Variants in CARMIL3 observed in about 807,000 individuals in gnomAD.
CARMIL3 encodes the protein capping protein, Arp2/3 and myosin-I linker protein 3.
Under a neutral mutation model 180.8 loss-of-function variants are expected in CARMIL3, and 88 were observed. The ratio of observed to expected loss-of-function variants is 0.49; its 90% CI spans 0.41 to 0.58. The LOEUF (loss-of-function observed/expected upper bound fraction) is 0.58, where lower values mean the gene tolerates loss of function less well. CARMIL3 is among the 20% of genes least tolerant of loss of function. CARMIL3 has a pLI of 0.00. For synonymous variants in CARMIL3, 696 were observed against 714.5 expected, an observed-to-expected ratio of 0.97 and a Z score of 0.41; for missense variants, 1,548 against 1,787.0, an observed-to-expected ratio of 0.87 and a Z score of 2.41.
Position 24,057,240 on chromosome 14 carries a change from AC to A in CARMIL3, c.1137del (p.Leu380CysfsTer46), listed in dbSNP as rs751248027. On this transcript the variant is annotated frameshift_variant, in exon 14 of 40. Coordinates refer to ENST00000342740, the MANE Select transcript of CARMIL3 (RefSeq NM_138360.4). LOFTEE classifies it high-confidence loss of function. ...LDLSGTDCVI[D>X]LLLGALLHGC... ...CTGTCAGGAACTGACTGCGTCATCGACTTGGTGAGGAGTTGGTGATGGGAAG... is the reference window on the plus strand; with the variant it reads ...CTGTCAGGAACTGACTGCGTCATCGATTGGTGAGGAGTTGGTGATGGGAAG... 6.2e-7 allele frequency: 1 copy of A among 1,613,540 alleles called. No homozygotes were observed. Among genetic ancestry groups the A allele is most frequent in the African/African-American group, 1.3e-5 (1 of 74,862 alleles).
At position 24,068,875 on chromosome 14, in the gene CARMIL3, G is replaced by A. The variant is rs758862501; in HGVS notation, c.3891G>A (p.Glu1297=). ...RQPPQEPGVR[E]EAEAGDAAPG... ...CTCCCCAGGAGCCAGGGGTCAGGGA[G>A]GAGGCTGAGGCTGGAGATGCAGCTC... The change falls in exon 38 of 40, where the codon GAG becomes GAA. Residue 1297 remains glutamate (E), a synonymous_variant. Coordinates refer to ENST00000342740, the MANE Select transcript of CARMIL3 (RefSeq NM_138360.4). 1.1e-5 allele frequency: 17 copies of A among 1,611,496 alleles called. No individual in the cohort carries two copies. The Admixed American group carries it at 2.2e-4, about 21-fold the overall frequency.
In CARMIL3 at chr14:24,058,631, C is replaced by A; in HGVS notation, c.1393-49C>A. The A allele has an allele frequency of 6.5e-7, 1 of 1,538,524 alleles. No homozygotes were observed. The highest frequency in any genetic ancestry group is 1.1e-5 in the South Asian group (1 of 88,310). ...CTATATCCTAAGCATTAAAGGTGCC[C>A]TACCCCCACCCCAACCCCTGCCTTC... On this transcript the variant is annotated intron_variant, in intron 17 of 39. Coordinates refer to ENST00000342740, the MANE Select transcript of CARMIL3 (RefSeq NM_138360.4). This position sits in a 1 kb window ranked among gnomAD's most constrained non-coding sequence, Gnocchi z 6.4.
intron 32 of CARMIL3, among the ~76,000 whole-genome samples, chr14:24,064,575 G>C (rs1197015703): frequency 6.6e-6 from 1 of 152,208 alleles, no homozygotes; most frequent in Non-Finnish European, 1.5e-5. Context: ...CCACCACAGT[G>C]GGGTTGGAGA....
Position 24,058,713 on chromosome 14 carries a change from C to G in CARMIL3, c.1426C>G (p.Gln476Glu), listed in dbSNP as rs750331092. 9 of 1,614,190 alleles carry G rather than the reference C, an allele frequency of 5.6e-6. No individual in the cohort carries two copies. In the Admixed American group the frequency reaches 1.3e-4, roughly 24 times the overall value. ...AGCGGGAGCCCAAGCCTTGCAGGAG[C>G]AGCTGGGAGCTGTCACCTGTGTAGG... ...RSAGAQALQE[Q>E]LGAVTCVGSL... is the part of the protein sequence containing the mutation. Residue 476 changes from glutamine (Q) to glutamate (E), a missense_variant, in exon 18 of 40, where the codon CAG becomes GAG. Physicochemically the swap from Gln to Glu is conservative, Grantham distance 29 (BLOSUM62 2). This residue lies in a region of CARMIL3 where 578 missense variants were observed against 666.5 expected (regional missense o/e 0.87). Coordinates refer to ENST00000342740, the MANE Select transcript of CARMIL3 (RefSeq NM_138360.4). The surrounding 1 kb of genome is among the most constrained non-coding windows in gnomAD (Gnocchi z 6.4).
At chr14:24,052,586 T>G (rs1280203944) in intron 1 of CARMIL3, among the ~76,000 whole-genome samples, 1 of 152,114 alleles carries the variant, frequency 6.6e-6, no homozygotes, top group African/African-American at 2.4e-5. Flanking sequence ...CTGCCCCTGG[T>G]CCTGACCGCT....
rs201880492 is a variant in CARMIL3 at position 24,054,409 on chromosome 14, C to T, written c.260C>T (p.Thr87Met). 8 of 1,613,988 alleles carry T rather than the reference C, an allele frequency of 5.0e-6. No homozygotes were observed. The highest frequency in any genetic ancestry group is 1.3e-5 in the African/African-American group (1 of 74,912). Residue 87 changes from threonine (T) to methionine (M), a missense_variant, in exon 5 of 40, where the codon ACG becomes ATG. Thr to Met is a moderately conservative substitution (Grantham distance 81, BLOSUM62 -1). This residue lies in a region of CARMIL3 where 578 missense variants were observed against 666.5 expected (regional missense o/e 0.87). Transcript: ENST00000342740. This position sits in a 1 kb window ranked among gnomAD's most constrained non-coding sequence, Gnocchi z 5.1. ...CGTCTCCCCCAGATCCTGGTGGAGA[C>T]GGAGCGTGGCATGGTGAGCATGCGA... ...TLSQNQILVETERGMVSMRLP... is the reference protein window; with the variant it reads ...TLSQNQILVEMERGMVSMRLP...
At position 24,069,207 on chromosome 14, in the gene CARMIL3, C is replaced by T. The variant is rs760059975; in HGVS notation, c.4053C>T (p.Asp1351=). 1.2e-6 allele frequency: 2 copies of T among 1,613,922 alleles called. No individual in the cohort carries two copies. The highest frequency in any genetic ancestry group is 1.7e-6 in the Non-Finnish European group (2 of 1,180,010). ...GGACACGGCGGGCACAGTCCTGTGA[C>T]AAGCTGGAACCTGATAGAAGACGGC... ...PKRTRRAQSC[D]KLEPDRRRPP... Residue 1351 remains aspartate (D), a synonymous_variant, in exon 39 of 40, where the codon GAC becomes GAT. Transcript: ENST00000342740.
chr14:24,059,288 G>A lies in CARMIL3; in HGVS notation c.1645G>A (p.Val549Met). Reference protein sequence around the residue: ...EEDCSLQSLSVADSRLKLRTS... With the variant: ...EEDCSLQSLSMADSRLKLRTS... The stretch of plus-strand genomic sequence containing the variant: ...CACACAGTCCCTGCAGTCACTGTCG[G>A]TGGCAGACTCCCGGCTGAAGCTTCG... Residue 549 changes from valine (V) to methionine (M), a missense_variant, in exon 21 of 40, where the codon GTG becomes ATG. By Grantham distance (21) the Val-to-Met change is conservative. Around this residue, in one of 4 missense-constraint regions of CARMIL3, gnomAD observed 297 missense variants for 415.9 expected, o/e 0.71. Transcript: ENST00000342740. The surrounding 1 kb of genome is among the most constrained non-coding windows in gnomAD (Gnocchi z 6.3). 6.2e-7 allele frequency: 1 copy of A among 1,613,992 alleles called. No individual in the cohort carries two copies. Among genetic ancestry groups the A allele is most frequent in the East Asian group, 2.2e-5 (1 of 44,884 alleles).
Position 24,053,983 on chromosome 14 carries a change from G to A in CARMIL3, c.136-105G>A, listed in dbSNP as rs12431777. On this transcript the variant is annotated intron_variant, in intron 2 of 39. Transcript: ENST00000342740. ...GTCCAGAAGTCTAGGGTAGGGCATC[G>A]GGTTGGGGAGACACTCCAAGAGCAG... 3,510 of 1,346,924 alleles carry A rather than the reference G, an allele frequency of 2.6e-3. 136 individuals are homozygous for A. The Admixed American group carries it at 0.063, about 24-fold the overall frequency. The allele number at this position is 1,346,924 out of a possible 1,614,324, so 83.4% of individuals were successfully genotyped here.
In CARMIL3 at chr14:24,054,888, G is replaced by T; in HGVS notation, c.460+80G>T. ...CAGAGCCCTTTGTGCACAGGGTGTTGCCTGGGCGGGCGGGCTTTGCCTGCC... is the reference window on the plus strand; with the variant it reads ...CAGAGCCCTTTGTGCACAGGGTGTTTCCTGGGCGGGCGGGCTTTGCCTGCC... On this transcript the variant is annotated intron_variant, in intron 6 of 39. Coordinates refer to ENST00000342740, the MANE Select transcript of CARMIL3 (RefSeq NM_138360.4). This position sits in a 1 kb window ranked among gnomAD's most constrained non-coding sequence, Gnocchi z 5.1. The T allele has an allele frequency of 6.8e-7, 1 of 1,474,586 alleles. No individual in the cohort carries two copies. Among genetic ancestry groups the T allele is most frequent in the African/African-American group, 1.4e-5 (1 of 71,600 alleles). 91.3% of individuals were successfully genotyped at this position (1,474,586 alleles called of 1,614,324 possible). A position where few individuals can be genotyped will look rare whatever the true frequency, so the allele number is the denominator to read the frequency against.
chr14:24,056,205 C>A, intron 10 of CARMIL3, 94 bp from the exon 11 acceptor site: 1 of 1,047,214 alleles, frequency 9.5e-7, no homozygotes, highest in Non-Finnish European at 1.4e-6. Flanking sequence ...ACCATGCAGC[C>A]CCAGCCAGGC....
rs758355583 is a variant in CARMIL3 at position 24,055,269 on chromosome 14, C to T, written c.564C>T (p.Asn188=). The T allele has an allele frequency of 6.2e-7, 1 of 1,614,052 alleles. No homozygotes were observed. The highest frequency in any genetic ancestry group is 8.5e-7 in the Non-Finnish European group (1 of 1,180,042). Reference sequence around the variant, plus strand: ...ACACCATCTACCATGCTGAAGATAACCGGGAGTTCAATCTTTTGGATTTCA... The same window carrying T: ...ACACCATCTACCATGCTGAAGATAATCGGGAGTTCAATCTTTTGGATTTCA... ...DVDTIYHAED[N]REFNLLDFSH... is the part of the protein sequence containing the mutation. Residue 188 remains asparagine (N), a synonymous_variant, in exon 8 of 40, where the codon AAC becomes AAT. Coordinates refer to ENST00000342740, the MANE Select transcript of CARMIL3 (RefSeq NM_138360.4).
chr14:24,069,194 C>T lies in CARMIL3; in HGVS notation c.4040C>T (p.Ala1347Val). 1 of 1,613,986 alleles carries T rather than the reference C, an allele frequency of 6.2e-7. No individual in the cohort carries two copies. The highest frequency in any genetic ancestry group is 1.7e-4 in the Middle Eastern group (1 of 6,050). Residue 1347 changes from alanine (A) to valine (V), a missense_variant, in exon 39 of 40, where the codon GCA becomes GTA. Ala to Val is a moderately conservative substitution (Grantham distance 64). This residue lies in a region of CARMIL3 where 668 missense variants were observed against 687.8 expected (regional missense o/e 0.97). Transcript: ENST00000342740. ...CTGAAGCCCAAGAGGACACGGCGGG[C>T]ACAGTCCTGTGACAAGCTGGAACCT... ...APLKPKRTRR[A>V]QSCDKLEPDR...
chr14:24,060,966 A>G lies in CARMIL3; in HGVS notation c.2230A>G (p.Asn744Asp). Reference protein sequence around the residue: ...SLYELGHVLANDGPVRQRLES... With the variant: ...SLYELGHVLADDGPVRQRLES... ...CTATGAGCTGGGCCACGTGCTGGCC[A>G]ATGATGGGCCTGTGCGGCAGAGGCT... The change falls in exon 26 of 40, where the codon AAT becomes GAT. Residue 744 changes from asparagine to aspartate, a missense_variant. Physicochemically the swap from Asn to Asp is conservative, Grantham distance 23. Around this residue, in one of 4 missense-constraint regions of CARMIL3, gnomAD observed 297 missense variants for 415.9 expected, o/e 0.71. Transcript: ENST00000342740. 1 of 1,551,688 alleles carries G rather than the reference A, an allele frequency of 6.4e-7. No individual in the cohort carries two copies. Among genetic ancestry groups the G allele is most frequent in the Non-Finnish European group, 8.7e-7 (1 of 1,146,970 alleles).
At chr14:24,065,394 T>G in intron 33 of CARMIL3, 121 bp downstream of exon 33, 1 of 1,105,580 alleles carries the variant, frequency 9.0e-7, no homozygotes, top group Non-Finnish European at 1.3e-6. Flanking sequence ...GGAACATTGG[T>G]CATTTCAATT....
In CARMIL3 at chr14:24,064,059, A is replaced by C. The variant is rs998260016; in HGVS notation, c.2980-187A>C. 2.0e-5 allele frequency among the ~76,000 whole-genome samples: 3 copies of C among 147,588 alleles called. No individual in the cohort carries two copies. In the Admixed American group the frequency reaches 2.1e-4, roughly 10 times the overall value. On this transcript the variant is annotated intron_variant, in intron 31 of 39. Coordinates refer to ENST00000342740, the MANE Select transcript of CARMIL3 (RefSeq NM_138360.4). ...CAGTGAGCCAAAATCATGCCACTGC[A>C]CTCCAGCCTGGGTGACAGAGCAAGA...
In CARMIL3 at chr14:24,055,681, A is replaced by AG. The variant is rs34680335; in HGVS notation, c.682-19dup. The AG allele has an allele frequency of 6.2e-7, 1 of 1,613,920 alleles. No homozygotes were observed. The highest frequency in any genetic ancestry group is 2.2e-5 in the East Asian group (1 of 44,868). On this transcript the variant is annotated intron_variant, in intron 9 of 39. Coordinates refer to ENST00000342740, the MANE Select transcript of CARMIL3 (RefSeq NM_138360.4). ...GTGCCCCCCTTGGCCCCTGATCACA[A>AG]GACCCCCCTCTGTCCTCAGGGCTCT... is the stretch of plus-strand genomic sequence containing the variant.
At position 24,068,967 on chromosome 14, in the gene CARMIL3, G is replaced by T. The variant is rs758921274; in HGVS notation, c.3982+1G>T. Reference sequence around the variant, plus strand: ...GACCAAGAGGAGCCCGAAGTCCAAGGTCTGCCACCCTGGCTGAGTGGGGGG... The same window carrying T: ...GACCAAGAGGAGCCCGAAGTCCAAGTTCTGCCACCCTGGCTGAGTGGGGGG... On this transcript the variant is annotated splice_donor_variant, in intron 38 of 39. Transcript: ENST00000342740. LOFTEE classifies it high-confidence loss of function. 3.9e-6 allele frequency: 6 copies of T among 1,552,512 alleles called. No homozygotes were observed. The highest frequency in any genetic ancestry group is 5.2e-6 in the Non-Finnish European group (6 of 1,146,704).
intron 14 of CARMIL3, 96 bp downstream of exon 14, chr14:24,057,340 C>T: frequency 8.8e-7 from 1 of 1,130,792 alleles, no homozygotes. Context: ...CACAGGCGGG[C>T]AGAGCTGTCT....
Sources: allele counts gnomAD v4.1 joint callset (sites outside exome capture counted in the v4.1 genomes callset), GRCh38; gene constraint gnomAD v4.1.1; regional missense constraint gnomAD v4.1.1; non-coding constraint Gnocchi (gnomAD v3.1); transcripts MANE v1.5; gene names NCBI Gene and HGNC (gene_info 2026-07-23, HGNC 2026-07-21).